The following GALNS variants were observed in gnomAD, a reference collection of about 807,000 sequenced individuals.
GALNS encodes N-acetylgalactosamine-6-sulfatase.
GALNS carries 65 observed loss-of-function variants against 65.9 expected under a neutral mutation model. That is an observed-to-expected ratio of 0.99 (90% CI 0.81 to 1.21). The LOEUF (loss-of-function observed/expected upper bound fraction) is 1.21, where lower values mean the gene tolerates loss of function less well. Among genes scored for constraint, GALNS ranks in the 50% most tolerant of loss-of-function variants. The pLI, the probability that GALNS is intolerant of heterozygous loss-of-function variation, is 0.00. For missense variants in GALNS, 776 were observed against 700.7 expected, an observed-to-expected ratio of 1.11 and a Z score of -1.21; for synonymous variants, 346 against 288.9, an observed-to-expected ratio of 1.20 and a Z score of -2.00.
intron 1 of GALNS, among the ~76,000 whole-genome samples, chr16:88,852,283 C>T (rs919192804): frequency 6.6e-6 from 1 of 152,198 alleles, no homozygotes; most frequent in African/African-American, 2.4e-5. Flanking sequence ...AGACCTGCAG[C>T]TGAGGGACCT....
At chr16:88,838,014 G>A (rs1658573857) in intron 4 of GALNS, 1 of 516,720 alleles carries the variant, frequency 1.9e-6, no homozygotes, top group African/African-American at 1.9e-5. Context: ...CGGCGGCCGG[G>A]GTTCCCTGCA....
intron 9 of GALNS, among the ~76,000 whole-genome samples, chr16:88,829,277 C>T (rs1324322132): frequency 6.6e-6 from 1 of 152,248 alleles, no homozygotes; most frequent in African/African-American, 2.4e-5. Flanking sequence ...CCCATCCCTA[C>T]CCTCAGGGGG....
At chr16:88,823,855 G>T (rs1338504271) in intron 11 of GALNS, among the ~76,000 whole-genome samples, 1 of 151,906 alleles carries the variant, frequency 6.6e-6, no homozygotes, top group African/African-American at 2.4e-5. Context: ...GCCCTCACAG[G>T]CGGCAATGCC....
chr16:88,842,104 G>A (rs1341750557), intron 2 of GALNS, 133 bp from the exon 3 acceptor site: 17 of 797,258 alleles, frequency 2.1e-5, no homozygotes, highest in Non-Finnish European at 2.8e-5. Flanking sequence ...GGGCTGCCAC[G>A]CCTGTCAATC....
chr16:88,823,995 C>T (rs879773779), intron 11 of GALNS, among the ~76,000 whole-genome samples: 8 of 152,342 alleles, frequency 5.3e-5, no homozygotes, highest in Non-Finnish European at 1.2e-4. Flanking sequence ...CCTCCAGACA[C>T]TGCCCCACGA....
chr16:88,838,320 G>A (rs1009208284), intron 4 of GALNS, among the ~76,000 whole-genome samples: 1 of 152,168 alleles, frequency 6.6e-6, no homozygotes, highest in African/African-American at 2.4e-5. Context: ...GGAGCCCCGG[G>A]GCCTGCCAGC....
At position 88,813,777 on chromosome 16, in the gene GALNS, A is replaced by G. The variant is rs992114988; in HGVS notation, c.*662T>C. On this transcript the variant is annotated 3_prime_UTR_variant, in exon 14 of 14. Transcript: ENST00000268695. Reference sequence around the variant, plus strand: ...AAACCTGCCTCCCGTTTTATTTCTAAATAACATAGTTACAATGATAAGAAG... The same window carrying G: ...AAACCTGCCTCCCGTTTTATTTCTAGATAACATAGTTACAATGATAAGAAG... The G allele has an allele frequency of 2.6e-5, 4 of 152,706 alleles. No homozygotes were observed. The highest frequency in any genetic ancestry group is 4.1e-4 in the South Asian group (2 of 4,850). 9.5% of individuals were successfully genotyped at this position (152,706 alleles called of 1,614,324 possible).
chr16:88,822,696 G>A lies in GALNS; in HGVS notation c.1257C>T (p.Cys419=). The change falls in exon 12 of 14, where the codon TGC becomes TGT. Residue 419 remains cysteine, a synonymous_variant. Coordinates refer to ENST00000268695, the MANE Select transcript of GALNS (RefSeq NM_000512.5). ...TGACCCCTGAAACGTTCTGCCCAGG[G>A]CAGAAATCAATGCCCTGCAATGAGA... ...WENFRQGIDF[C]PGQNVSGVTT... 1.2e-6 allele frequency: 2 copies of A among 1,612,666 alleles called. No homozygotes were observed.
chr16:88,855,479 C>T (rs1183485319), intron 1 of GALNS: 4 of 702,696 alleles, frequency 5.7e-6, no homozygotes, highest in Non-Finnish European at 1.0e-5. Context: ...GCTGTCAGGA[C>T]ACGGACCCCT....
At chr16:88,854,426 C>A (rs575363388) in intron 1 of GALNS, among the ~76,000 whole-genome samples, 206 of 152,342 alleles carry the variant, frequency 1.4e-3, no homozygotes, top group Non-Finnish European at 2.3e-3. Flanking sequence ...CTGCCAGCAT[C>A]CCTGCCCTGT....
intron 1 of GALNS, among the ~76,000 whole-genome samples, chr16:88,848,790 C>T (rs1026629555): frequency 6.6e-6 from 1 of 151,960 alleles, no homozygotes; most frequent in Non-Finnish European, 1.5e-5. Flanking sequence ...CTGGGAACGG[C>T]TGCTGGAGGG....
At chr16:88,850,966 A>T (rs549818188) in intron 1 of GALNS, among the ~76,000 whole-genome samples, 1 of 152,368 alleles carries the variant, frequency 6.6e-6, no homozygotes, top group Non-Finnish European at 1.5e-5. Context: ...AGCCGAGGGC[A>T]AAAACCTCCC....
At chr16:88,830,485 GC>G (rs71808981) in intron 9 of GALNS, among the ~76,000 whole-genome samples, 25,369 of 151,876 alleles carry the variant, frequency 0.17, 3,242 homozygotes, top group African/African-American at 0.36. Flanking sequence ...GCCACTGGGA[GC>G]CCCCCCCATC....
rs577927628 is a variant in GALNS, at chr16:88,833,033, G to A, written c.899-932C>T. ...GTCAAGGCTACAGTGAGCTGAGATCGCGCCACTGCACTCCAGCCTGGGCAA... is the reference window on the plus strand; with the variant it reads ...GTCAAGGCTACAGTGAGCTGAGATCACGCCACTGCACTCCAGCCTGGGCAA... On this transcript the variant is annotated intron_variant, in intron 8 of 13. Transcript: ENST00000268695. Among the ~76,000 whole-genome samples, 58 of 142,366 alleles carry A rather than the reference G, an allele frequency of 4.1e-4. 1 individual carries two copies. The South Asian group carries it at 0.011, about 28-fold the overall frequency. 93.4% of individuals were successfully genotyped at this position (142,366 alleles called of 152,430 possible). A position where few individuals can be genotyped will look rare whatever the true frequency, so the allele number is the denominator to read the frequency against.
At chr16:88,841,304 G>A (rs1966960724) in intron 3 of GALNS, among the ~76,000 whole-genome samples, 1 of 152,202 alleles carries the variant, frequency 6.6e-6, no homozygotes, top group South Asian at 2.1e-4. Flanking sequence ...GCCATCACCA[G>A]AGGGTGGGGA....
rs7189744 is a variant in GALNS at position 88,822,938 on chromosome 16, C to T, written c.1243-228G>A. Among the ~76,000 whole-genome samples the T allele has an allele frequency of 5.6e-3, 849 of 152,272 alleles. 6 individuals carry two copies. The highest frequency in any genetic ancestry group is 0.019 in the African/African-American group (785 of 41,538). ...CGCTGGCTAAACGCTGAAGGACTAG[C>T]GGGCCCATAAGCATCCTGTGGAGGA... On this transcript the variant is annotated intron_variant, in intron 11 of 13. Coordinates refer to ENST00000268695, the MANE Select transcript of GALNS (RefSeq NM_000512.5).
chr16:88,853,707 G>A (rs911716046), intron 1 of GALNS, among the ~76,000 whole-genome samples: 7 of 152,214 alleles, frequency 4.6e-5, no homozygotes, highest in Admixed American at 6.5e-5. Context: ...AGTGGGCCAC[G>A]CAGGTTTCCT....
At chr16:88,835,411 G>C (rs2143001235) in intron 7 of GALNS, 59 bp from the exon 8 acceptor site, 1 of 1,594,534 alleles carries the variant, frequency 6.3e-7, no homozygotes, top group Non-Finnish European at 8.6e-7. Flanking sequence ...AATGGATCAG[G>C]CAGCCAACGG....
chr16:88,831,763 C>G (rs1330902424), intron 9 of GALNS, among the ~76,000 whole-genome samples: 8 of 79,954 alleles, frequency 1.0e-4, no homozygotes, highest in East Asian at 3.7e-4. Context: ...GCGGTGAGGC[C>G]GAGCACGGGG....
Sources: allele counts gnomAD v4.1 joint callset (sites outside exome capture counted in the v4.1 genomes callset), GRCh38; gene constraint gnomAD v4.1.1; transcripts MANE v1.5; gene names NCBI Gene and HGNC (gene_info 2026-07-23, HGNC 2026-07-21).